LAMTOR5: variants seen among roughly 807,000 people sequenced by gnomAD.
The protein encoded by LAMTOR5 is ragulator complex protein LAMTOR5.
Under a neutral mutation model 12.1 loss-of-function variants are expected in LAMTOR5, and 8 were observed. The observed-to-expected ratio is 0.66, with a 90% CI of 0.39 to 1.19. LAMTOR5 has a LOEUF of 1.19. Ranked by LOEUF, LAMTOR5 falls within the 50% of genes most tolerant of loss-of-function variation. The pLI, the probability that LAMTOR5 is intolerant of heterozygous loss-of-function variation, is 0.01. For synonymous variants in LAMTOR5, 37 were observed against 41.9 expected (o/e 0.88, Z 0.45); for missense variants, 110 against 112.8 (o/e 0.97, Z 0.11).
intron 1 of LAMTOR5, chr1:110,407,075 C>T (rs1663346581): frequency 1.4e-6 from 1 of 697,758 alleles, no homozygotes; most frequent in South Asian, 1.5e-5. Flanking sequence ...CGGTGGGAGG[C>T]AGGTGTCTCT....
At position 110,404,055 on chromosome 1, in the gene LAMTOR5, A is replaced by G. The variant is rs1191283386; in HGVS notation, c.98-19T>C. On this transcript the variant is annotated intron_variant, in intron 2 of 3. Coordinates refer to ENST00000602318, the MANE Select transcript of LAMTOR5 (RefSeq NM_001382293.1). ...CCGCGGCCTGGAAAATAGAGATGAT[A>G]TATGTCACCTGATTGCTCATAGAGT... 4 of 1,611,466 alleles carry G rather than the reference A, an allele frequency of 2.5e-6. No homozygotes were observed. The highest frequency in any genetic ancestry group is 1.6e-4 in the Middle Eastern group (1 of 6,074).
At chr1:110,404,373 C>T (rs902973312) in intron 2 of LAMTOR5, among the ~76,000 whole-genome samples, 26 of 152,138 alleles carry the variant, frequency 1.7e-4, no homozygotes, top group Admixed American at 1.5e-3. Context: ...GATCCGATGC[C>T]GACGTTTGAG....
chr1:110,403,906 G>A lies in LAMTOR5; in HGVS notation c.215+13C>T, dbSNP rs1663274820. The stretch of plus-strand genomic sequence containing the variant: ...CTGAACAAAAAGGAAAGGATCTGCT[G>A]AAATCTACTCACCCATTATCTGATT... On this transcript the variant is annotated intron_variant, in intron 3 of 3. Transcript: ENST00000602318. 6.2e-7 allele frequency: 1 copy of A among 1,612,592 alleles called. No individual in the cohort carries two copies. Among genetic ancestry groups the A allele is most frequent in the South Asian group, 1.1e-5 (1 of 90,746 alleles).
chr1:110,404,791 G>T (rs1477744499), intron 2 of LAMTOR5, among the ~76,000 whole-genome samples: 1 of 152,070 alleles, frequency 6.6e-6, no homozygotes, highest in African/African-American at 2.4e-5. Flanking sequence ...GCTCATTCCT[G>T]TAATCCCGCA....
rs554909600 is a variant in LAMTOR5, at chr1:110,401,452, A to C, written c.*71T>G. ...ATGGCCTAACTACTGGAACTTTAGT[A>C]GTTCTATAAGGTAATTAACATAGGT... On this transcript the variant is annotated 3_prime_UTR_variant, in exon 4 of 4. Transcript: ENST00000602318. 75 of 1,506,728 alleles carry C rather than the reference A, an allele frequency of 5.0e-5. No individual in the cohort carries two copies. In the South Asian group the frequency reaches 8.2e-4, roughly 16 times the overall value. The allele number at this position is 1,506,728 out of a possible 1,614,324, so 93.3% of individuals were successfully genotyped here.
intron 1 of LAMTOR5, chr1:110,407,123 TA>T (rs1663347702): frequency 1.6e-6 from 1 of 645,020 alleles, no homozygotes; most frequent in Admixed American, 2.7e-5. Context: ...GAATTTTACA[TA>T]GATACTGCTT....
In LAMTOR5 at chr1:110,402,814, T is replaced by TAAAAAAA. The variant is rs550023549; in HGVS notation, c.215+1104_215+1105insTTTTTTT. ...GCTTTTAACAAAAAAGTCTAAAAAGTAAAAAAGTTTAAAAAAAGAATTTTT... is the reference window on the plus strand; with the variant it reads ...GCTTTTAACAAAAAAGTCTAAAAAGTAAAAAAAAAAAAAGTTTAAAAAAAGAATTTTT... On this transcript the variant is annotated intron_variant, in intron 3 of 3. Transcript: ENST00000602318. 2.0e-3 allele frequency among the ~76,000 whole-genome samples: 309 copies of TAAAAAAA among 152,286 alleles called. 3 individuals are homozygous for TAAAAAAA. The highest frequency in any genetic ancestry group is 6.9e-3 in the African/African-American group (287 of 41,560).
Position 110,403,904 on chromosome 1 carries a change from C to T in LAMTOR5, c.215+15G>A. The T allele has an allele frequency of 1.2e-6, 2 of 1,612,286 alleles. No individual in the cohort carries two copies. Among genetic ancestry groups the T allele is most frequent in the Non-Finnish European group, 1.7e-6 (2 of 1,179,260 alleles). ...TTCTGAACAAAAAGGAAAGGATCTG[C>T]TGAAATCTACTCACCCATTATCTGA... On this transcript the variant is annotated intron_variant, in intron 3 of 3. Coordinates refer to ENST00000602318, the MANE Select transcript of LAMTOR5 (RefSeq NM_001382293.1).
chr1:110,407,391 C>A lies in LAMTOR5; in HGVS notation c.35+195G>T, dbSNP rs117138055. ...CGCTCAAGAGGGAATGTGCGGTGCCCGGCAGGATTTTAATTCCGGGTCACC... is the reference window on the plus strand; with the variant it reads ...CGCTCAAGAGGGAATGTGCGGTGCCAGGCAGGATTTTAATTCCGGGTCACC... On this transcript the variant is annotated intron_variant, in intron 1 of 3. Transcript: ENST00000602318. 8 of 699,832 alleles carry A rather than the reference C, an allele frequency of 1.1e-5. No individual in the cohort carries two copies. In the East Asian group the frequency reaches 2.2e-4, roughly 19 times the overall value. The allele number at this position is 699,832 out of a possible 1,614,324, so 43.4% of individuals were successfully genotyped here. A position where few individuals can be genotyped will look rare whatever the true frequency, so the allele number is the denominator to read the frequency against.
At chr1:110,403,765 G>A in intron 3 of LAMTOR5, 154 bp downstream of exon 3, 1 of 1,176,414 alleles carries the variant, frequency 8.5e-7, no homozygotes, top group Non-Finnish European at 1.1e-6. Flanking sequence ...TAGCTTTAGG[G>A]ATCAACTTGT....
rs775788107 is a variant in LAMTOR5 at position 110,404,002 on chromosome 1, C to T, written c.132G>A (p.Val44=). Residue 44 remains valine, a synonymous_variant, in exon 3 of 4, where the codon GTG becomes GTA. Coordinates refer to ENST00000602318, the MANE Select transcript of LAMTOR5 (RefSeq NM_001382293.1). The part of the protein sequence containing the change: ...RGTLSDEHAG[V]ISVLAQQAAK... ...CTGCTTGCTGGGCTAGAACAGATAT[C>T]ACTCCAGCATGCTCATCTGACAGGG... The T allele has an allele frequency of 2.5e-6, 4 of 1,614,068 alleles. No individual in the cohort carries two copies. The African/African-American group carries it at 4.0e-5, about 16-fold the overall frequency.
intron 1 of LAMTOR5, chr1:110,407,131 G>A: frequency 1.6e-6 from 1 of 634,888 alleles, no homozygotes; most frequent in Non-Finnish European, 2.8e-6. Context: ...CATAGATACT[G>A]CTTGTTCGAA....
Position 110,401,471 on chromosome 1 carries a change from C to T in LAMTOR5, c.*52G>A. The T allele has an allele frequency of 1.9e-6, 3 of 1,568,124 alleles. No individual in the cohort carries two copies. Among genetic ancestry groups the T allele is most frequent in the Non-Finnish European group, 1.7e-6 (2 of 1,144,074 alleles). On this transcript the variant is annotated 3_prime_UTR_variant, in exon 4 of 4. Transcript: ENST00000602318. ...TTTAGTAGTTCTATAAGGTAATTAA[C>T]ATAGGTAGGATCCAGTTCCTATGAC...
At chr1:110,407,771 A>G (rs770252259), upstream of LAMTOR5, 5 of 1,614,104 alleles carry the variant, frequency 3.1e-6, no homozygotes, top group South Asian at 5.5e-5. Flanking sequence ...CGCGTTCTTT[A>G]CTGGAAAACA....
At chr1:110,402,463 C>T (rs532814957) in intron 3 of LAMTOR5, among the ~76,000 whole-genome samples, 1 of 152,252 alleles carries the variant, frequency 6.6e-6, no homozygotes, top group South Asian at 2.1e-4. Context: ...GTTAGGCTGT[C>T]TCACACTCCT....
chr1:110,407,814 A>C (rs752154423), upstream of LAMTOR5: 2 of 1,614,058 alleles, frequency 1.2e-6, no homozygotes, highest in East Asian at 4.5e-5. Context: ...AGCCTGACGA[A>C]GGCTTGGGCT....
At chr1:110,407,777 A>C, upstream of LAMTOR5, 1 of 1,614,116 alleles carries the variant, frequency 6.2e-7, no homozygotes, top group Non-Finnish European at 8.5e-7. Flanking sequence ...CTTTACTGGA[A>C]AACATCACTG....
chr1:110,407,222 T>C, intron 1 of LAMTOR5: 1 of 580,524 alleles, frequency 1.7e-6, no homozygotes, highest in Non-Finnish European at 3.1e-6. Flanking sequence ...TTGTTTACAC[T>C]GCAGGGCTCG....
intron 2 of LAMTOR5, among the ~76,000 whole-genome samples, chr1:110,405,447 G>T (rs1040914037): frequency 6.6e-6 from 1 of 152,046 alleles, no homozygotes. Flanking sequence ...TCACAGGTGT[G>T]AGCCACCGCA....
Sources: gnomAD v4.1 joint callset for allele counts (sites outside exome capture counted in the v4.1 genomes callset) on GRCh38, gnomAD v4.1.1 for gene constraint, MANE v1.5 for transcripts, NCBI Gene and HGNC (gene_info 2026-07-23, HGNC 2026-07-21) for gene names.